LHFPL3: variants seen among roughly 807,000 people sequenced by gnomAD.
The protein encoded by LHFPL3 is LHFPL tetraspan subfamily member 3, also known as LHFPL tetraspan subfamily member 3 protein.
A neutral mutation model predicts 19.3 loss-of-function variants in LHFPL3; 5 were observed. That is an observed-to-expected ratio of 0.26 (90% CI 0.14 to 0.54). The LOEUF (loss-of-function observed/expected upper bound fraction) is 0.54. LHFPL3 is among the 20% of genes least tolerant of loss of function. The probability of loss-of-function intolerance (pLI) is 0.94; values close to 1 mark genes in which losing one functional copy is unlikely to be tolerated. For synonymous variants in LHFPL3, 133 were observed against 126.2 expected (o/e 1.05, Z -0.36); for missense variants, 249 against 307.4 (o/e 0.81, Z 1.42).
rs536868011 is a variant in LHFPL3, at chr7:104,837,345, T to G, written c.683-68842T>G. Among the ~76,000 whole-genome samples the G allele has an allele frequency of 3.9e-5, 6 of 152,316 alleles. No individual in the cohort carries two copies. The East Asian group carries it at 9.7e-4, about 25-fold the overall frequency. On this transcript the variant is annotated intron_variant, in intron 2 of 2. Transcript: ENST00000424859. ...GATCATACCTACACCTTTGACTTCTTTAGCACCTTTTCATTATCAATTGAA... is the reference window on the plus strand; with the variant it reads ...GATCATACCTACACCTTTGACTTCTGTAGCACCTTTTCATTATCAATTGAA...
At chr7:104,545,297 C>T (rs1189176315) in intron 1 of LHFPL3, among the ~76,000 whole-genome samples, 2 of 152,196 alleles carry the variant, frequency 1.3e-5, no homozygotes, top group Non-Finnish European at 2.9e-5. Flanking sequence ...CCCAGCACAG[C>T]TTCCTGGTTG....
At chr7:104,392,763 A>G (rs1435481415) in intron 1 of LHFPL3, among the ~76,000 whole-genome samples, 1 of 152,154 alleles carries the variant, frequency 6.6e-6, no homozygotes, top group East Asian at 1.9e-4. Flanking sequence ...AAGGAATGGT[A>G]CCAGCTCCTC....
At chr7:104,578,704 C>G (rs890183797) in intron 1 of LHFPL3, among the ~76,000 whole-genome samples, 3 of 152,110 alleles carry the variant, frequency 2.0e-5, no homozygotes, top group Non-Finnish European at 4.4e-5. Context: ...GACAGTACCC[C>G]CCTACCCCCA....
intron 1 of LHFPL3, among the ~76,000 whole-genome samples, chr7:104,524,027 T>A (rs936825644): frequency 1.3e-5 from 2 of 152,210 alleles, no homozygotes; most frequent in African/African-American, 4.8e-5. Context: ...ATTAATATAA[T>A]AGAATCTTGA....
At chr7:104,693,719 G>A (rs934204119) in intron 1 of LHFPL3, among the ~76,000 whole-genome samples, 1 of 148,948 alleles carries the variant, frequency 6.7e-6, no homozygotes, top group African/African-American at 2.5e-5. Flanking sequence ...TTTAAAGACA[G>A]AGTCTCACTT....
intron 1 of LHFPL3, among the ~76,000 whole-genome samples, chr7:104,659,827 A>G (rs944246675): frequency 7.9e-5 from 12 of 152,168 alleles, no homozygotes; most frequent in South Asian, 6.2e-4. Context: ...TTAACCACAA[A>G]TCCTATTTCT....
rs150934101 is a variant in LHFPL3 at position 104,545,643 on chromosome 7, A to G, written c.446-191032A>G. Among the ~76,000 whole-genome samples, 745 of 152,188 alleles carry G rather than the reference A, an allele frequency of 4.9e-3. 5 individuals carry two copies. The highest frequency in any genetic ancestry group is 0.017 in the African/African-American group (704 of 41,536). On this transcript the variant is annotated intron_variant, in intron 1 of 2. Transcript: ENST00000424859. ...CTGTGCGATCTATCACCTCCTCTTC[A>G]ATTGCTATGTGCAACCCCTTGAGAT...
intron 1 of LHFPL3, among the ~76,000 whole-genome samples, chr7:104,579,136 C>A (rs774976015): frequency 9.9e-5 from 15 of 152,114 alleles, no homozygotes; most frequent in Non-Finnish European, 1.6e-4. Flanking sequence ...AATCTGTATA[C>A]TATTGGAAGG....
intron 1 of LHFPL3, among the ~76,000 whole-genome samples, chr7:104,678,390 A>G (rs1792632323): frequency 6.6e-6 from 1 of 152,180 alleles, no homozygotes; most frequent in Non-Finnish European, 1.5e-5. Context: ...CATTTGTTGA[A>G]CATTAGCATT....
At chr7:104,333,001 G>A (rs1801600004) in intron 1 of LHFPL3, among the ~76,000 whole-genome samples, 1 of 150,670 alleles carries the variant, frequency 6.6e-6, no homozygotes, top group South Asian at 2.1e-4. Context: ...AAGGAAAAGA[G>A]TAGATTTGTA....
chr7:104,590,013 G>T (rs369168451), intron 1 of LHFPL3, among the ~76,000 whole-genome samples: 3 of 151,772 alleles, frequency 2.0e-5, no homozygotes, highest in East Asian at 1.9e-4. Context: ...TTATTCTTTA[G>T]TAGTCTTGCT....
chr7:104,826,056 T>A (rs2116542494), intron 2 of LHFPL3, among the ~76,000 whole-genome samples: 1 of 152,080 alleles, frequency 6.6e-6, no homozygotes, highest in South Asian at 2.1e-4. Context: ...TCTCCCATGG[T>A]ATGTAAAGCA....
At chr7:104,835,883 C>T (rs896488439) in intron 2 of LHFPL3, among the ~76,000 whole-genome samples, 3 of 151,894 alleles carry the variant, frequency 2.0e-5, no homozygotes, top group Non-Finnish European at 4.4e-5. Context: ...TTTTAAGCCC[C>T]GCATGCATTA....
At chr7:104,884,390 C>T (rs982338039) in intron 2 of LHFPL3, among the ~76,000 whole-genome samples, 4 of 152,298 alleles carry the variant, frequency 2.6e-5, no homozygotes, top group Non-Finnish European at 1.5e-5. Context: ...GTCCAATCCT[C>T]TACCTCGGTA....
intron 1 of LHFPL3, among the ~76,000 whole-genome samples, chr7:104,467,548 T>C (rs1398778106): frequency 1.3e-5 from 2 of 152,226 alleles, no homozygotes; most frequent in African/African-American, 4.8e-5. Flanking sequence ...AAATTGACTC[T>C]GGGGGATTAA....
At chr7:104,664,862 AG>A (rs1163101624) in intron 1 of LHFPL3, among the ~76,000 whole-genome samples, 7 of 152,312 alleles carry the variant, frequency 4.6e-5, no homozygotes, top group African/African-American at 7.2e-5. Flanking sequence ...AGATGGGACT[AG>A]ATGCAGTGGT....
At chr7:104,646,849 C>G (rs979547598) in intron 1 of LHFPL3, among the ~76,000 whole-genome samples, 6 of 152,086 alleles carry the variant, frequency 3.9e-5, no homozygotes, top group African/African-American at 1.2e-4. Context: ...TTTTGAATAC[C>G]AGATTCTGGG....
chr7:104,561,517 T>A (rs753229230), intron 1 of LHFPL3, among the ~76,000 whole-genome samples: 9,566 of 150,804 alleles, frequency 0.063, 449 homozygotes, highest in African/African-American at 0.14. Flanking sequence ...CTGCCTTTTT[T>A]TGTTTTCCAT....
intron 1 of LHFPL3, among the ~76,000 whole-genome samples, chr7:104,633,506 C>G (rs181442973): frequency 6.6e-6 from 1 of 152,278 alleles, no homozygotes; most frequent in East Asian, 1.9e-4. Context: ...ATCAGTTTAG[C>G]TGAATGTTAC....
Sources: allele counts gnomAD v4.1 joint callset (sites outside exome capture counted in the v4.1 genomes callset), GRCh38; gene constraint gnomAD v4.1.1; transcripts MANE v1.5; gene names NCBI Gene and HGNC (gene_info 2026-07-23, HGNC 2026-07-21).